The following CSMD1 variants were observed in gnomAD, a reference collection of about 807,000 sequenced individuals.
The protein encoded by CSMD1 is CUB and sushi domain-containing protein 1.
CSMD1 carries 213 observed loss-of-function variants against 417.5 expected under a neutral mutation model. That is an observed-to-expected ratio of 0.51 (90% confidence interval 0.46 to 0.57). The LOEUF is 0.57. CSMD1 is among the 20% of genes least tolerant of loss of function. CSMD1 has a pLI of 0.00. For synonymous variants in CSMD1, 2,862 were observed against 1,736.8 expected (o/e 1.65, Z -16.11); for missense variants, 6,923 against 4,529.7 (o/e 1.53, Z -15.17).
chr8:3,613,396 T>A (rs1584961619), intron 8 of CSMD1: 1 of 216,868 alleles, frequency 4.6e-6, no homozygotes, highest in African/African-American at 2.4e-5. Flanking sequence ...AAGAGAACAT[T>A]TTTCAATTAA....
chr8:4,338,587 C>G (rs58123013), intron 3 of CSMD1, among the ~76,000 whole-genome samples: 4,283 of 152,132 alleles, frequency 0.028, 185 homozygotes, highest in African/African-American at 0.098. Context: ...CTCTGACATA[C>G]TCATAATAGA....
chr8:4,676,790 G>C (rs1805711299), intron 1 of CSMD1, among the ~76,000 whole-genome samples: 1 of 151,692 alleles, frequency 6.6e-6, no homozygotes, highest in African/African-American at 2.4e-5. Flanking sequence ...GTTCTCTTCA[G>C]CGAGTTGCTC....
At chr8:3,466,426 T>G (rs1816793778) in intron 12 of CSMD1, among the ~76,000 whole-genome samples, 1 of 152,050 alleles carries the variant, frequency 6.6e-6, no homozygotes, top group South Asian at 2.1e-4. Flanking sequence ...TTTTCTTTTT[T>G]TAAGATGGAG....
intron 1 of CSMD1, among the ~76,000 whole-genome samples, chr8:4,822,220 T>C (rs921176750): frequency 2.0e-5 from 3 of 152,080 alleles, no homozygotes; most frequent in Non-Finnish European, 4.4e-5. Context: ...TCGTGGGGGT[T>C]TGCAACTTAC....
intron 7 of CSMD1, among the ~76,000 whole-genome samples, chr8:3,650,454 G>C (rs1005861128): frequency 6.6e-6 from 1 of 152,148 alleles, no homozygotes; most frequent in Non-Finnish European, 1.5e-5. Context: ...ACTCATCGAA[G>C]AACTCATCAT....
chr8:4,271,829 C>A (rs1423443837), intron 3 of CSMD1, among the ~76,000 whole-genome samples: 3 of 152,076 alleles, frequency 2.0e-5, no homozygotes, highest in Non-Finnish European at 2.9e-5. Flanking sequence ...ATTACTTGGT[C>A]CTGGCAGCGC....
At chr8:4,941,252 T>C (rs1463355155) in intron 1 of CSMD1, among the ~76,000 whole-genome samples, 2 of 137,208 alleles carry the variant, frequency 1.5e-5, no homozygotes, top group African/African-American at 5.0e-5. Context: ...TCTTTTGTTG[T>C]TTCAAACACA....
intron 10 of CSMD1, among the ~76,000 whole-genome samples, chr8:3,546,047 C>T (rs1459306107): frequency 6.6e-6 from 1 of 152,326 alleles, no homozygotes. Context: ...AATGCAGTTT[C>T]TCCATCAAGT....
At chr8:4,068,141 A>C (rs944665333) in intron 3 of CSMD1, among the ~76,000 whole-genome samples, 1 of 152,116 alleles carries the variant, frequency 6.6e-6, no homozygotes, top group Non-Finnish European at 1.5e-5. Context: ...AGCCACACAG[A>C]AGGGTCTATA....
intron 18 of CSMD1, among the ~76,000 whole-genome samples, chr8:3,384,790 T>G (rs7841745): frequency 1.7e-5 from 2 of 118,696 alleles, no homozygotes; most frequent in Non-Finnish European, 3.2e-5. Flanking sequence ...TAATATATAT[T>G]AATATATGCT....
chr8:3,412,399 G>A (rs537951889), intron 12 of CSMD1, among the ~76,000 whole-genome samples: 3 of 152,166 alleles, frequency 2.0e-5, no homozygotes, highest in Non-Finnish European at 4.4e-5. Context: ...TTTCCAGATG[G>A]TTTGAAGGTC....
At chr8:3,505,990 C>T (rs1302690059) in intron 10 of CSMD1, among the ~76,000 whole-genome samples, 1 of 152,138 alleles carries the variant, frequency 6.6e-6, no homozygotes, top group African/African-American at 2.4e-5. Context: ...GATAAAAATA[C>T]ACGTATGTAT....
At chr8:4,373,472 A>C (rs28540417) in intron 3 of CSMD1, among the ~76,000 whole-genome samples, 18,167 of 152,178 alleles carry the variant, frequency 0.12, 1,185 homozygotes, top group African/African-American at 0.17. Context: ...TGTTCCCATA[A>C]ATCTAAAACT....
intron 3 of CSMD1, among the ~76,000 whole-genome samples, chr8:4,317,335 G>A (rs1798992297): frequency 6.6e-6 from 1 of 152,168 alleles, no homozygotes; most frequent in African/African-American, 2.4e-5. Flanking sequence ...GGGGTGCAGT[G>A]AAATTAGACT....
intron 3 of CSMD1, among the ~76,000 whole-genome samples, chr8:4,170,194 G>C (rs1022188571): frequency 1.3e-5 from 2 of 151,722 alleles, no homozygotes; most frequent in African/African-American, 2.4e-5. Context: ...CAGTCCACGC[G>C]TTTCTCTCTG....
chr8:4,734,787 C>T (rs1810122880), intron 1 of CSMD1, among the ~76,000 whole-genome samples: 1 of 152,164 alleles, frequency 6.6e-6, no homozygotes, highest in Non-Finnish European at 1.5e-5. Flanking sequence ...TCTTTACTCT[C>T]ATTTTTAAGA....
At chr8:4,060,862 C>G (rs1044615248) in intron 3 of CSMD1, among the ~76,000 whole-genome samples, 1 of 152,046 alleles carries the variant, frequency 6.6e-6, no homozygotes, top group African/African-American at 2.4e-5. Context: ...GATGACCAGA[C>G]AGGAAGAAAA....
chr8:3,661,736 A>C (rs1798429493), intron 7 of CSMD1, among the ~76,000 whole-genome samples: 1 of 152,100 alleles, frequency 6.6e-6, no homozygotes, highest in African/African-American at 2.4e-5. Context: ...ACCTCAAGTG[A>C]TTCACCCGCC....
At chr8:3,342,960 A>G (rs759054364) in intron 23 of CSMD1, among the ~76,000 whole-genome samples, 4 of 152,068 alleles carry the variant, frequency 2.6e-5, no homozygotes, top group Non-Finnish European at 5.9e-5. Context: ...CATCTCTTCT[A>G]AAGCCTTCAT....
Sources: gnomAD v4.1 joint callset for allele counts (sites outside exome capture counted in the v4.1 genomes callset) on GRCh38, gnomAD v4.1.1 for gene constraint, MANE v1.5 for transcripts, NCBI Gene and HGNC (gene_info 2026-07-23, HGNC 2026-07-21) for gene names.